Variants in GPSM3 observed in about 807,000 individuals in gnomAD.
GPSM3 encodes G protein signaling modulator 3.
In GPSM3, 16 loss-of-function variants were observed where a neutral mutation model predicts 20.4. The ratio of observed to expected loss-of-function variants is 0.78; its 90% CI spans 0.53 to 1.19. The LOEUF (loss-of-function observed/expected upper bound fraction) is 1.19. Among genes scored for constraint, GPSM3 ranks in the 50% most tolerant of loss-of-function variants. The probability of loss-of-function intolerance (pLI) is 0.00; values close to 1 mark genes in which losing one functional copy is unlikely to be tolerated. For missense variants in GPSM3, 177 were observed against 204.6 expected, an observed-to-expected ratio of 0.86 and a Z score of 0.82; for synonymous variants, 70 against 79.6, an observed-to-expected ratio of 0.88 and a Z score of 0.64.
chr6:32,195,411 G>T (rs780170413), upstream of GPSM3: 2 of 1,529,874 alleles, frequency 1.3e-6, no homozygotes, highest in Non-Finnish European at 8.8e-7. This position sits in a 1 kb window ranked among gnomAD's most constrained non-coding sequence, Gnocchi z 5.4. Flanking sequence ...AATCATTTTT[G>T]GAATTCCTCC....
upstream of GPSM3, chr6:32,192,810 G>A (rs1787634981): frequency 2.7e-6 from 1 of 368,866 alleles, no homozygotes; most frequent in Non-Finnish European, 4.9e-6. This position sits in a 1 kb window ranked among gnomAD's most constrained non-coding sequence, Gnocchi z 5.1. Context: ...GGGGCTCATG[G>A]TGGGGAAGGA....
chr6:32,191,283 C>T lies in GPSM3; in HGVS notation c.*83G>A, dbSNP rs1345495992. 1.4e-6 allele frequency: 2 copies of T among 1,477,274 alleles called. No homozygotes were observed. Among genetic ancestry groups the T allele is most frequent in the Non-Finnish European group, 1.8e-6 (2 of 1,101,868 alleles). The allele number at this position is 1,477,274 out of a possible 1,614,324, so 91.5% of individuals were successfully genotyped here. A position where few individuals can be genotyped will look rare whatever the true frequency, so the allele number is the denominator to read the frequency against. On this transcript the variant is annotated 3_prime_UTR_variant, in exon 4 of 4. Coordinates refer to ENST00000375040, the MANE Select transcript of GPSM3 (RefSeq NM_001276501.2). This position sits in a 1 kb window ranked among gnomAD's most constrained non-coding sequence, Gnocchi z 5.9. ...CCGTGTCTTTCAGTCTCTGGTACCCCTGCCAAGCAAGAGTTGAGGGCATGC... is the reference window on the plus strand; with the variant it reads ...CCGTGTCTTTCAGTCTCTGGTACCCTTGCCAAGCAAGAGTTGAGGGCATGC...
At chr6:32,194,363 G>C (rs1168975360), upstream of GPSM3, 3 of 152,138 alleles carry the variant, frequency 2.0e-5, no homozygotes, top group African/African-American at 7.2e-5. The surrounding 1 kb of genome is among the most constrained non-coding windows in gnomAD (Gnocchi z 4.5). Context: ...ATGGTCGGTG[G>C]CGACGGAGGG....
At chr6:32,193,732 A>C (rs1787689742), upstream of GPSM3, among the ~76,000 whole-genome samples, 1 of 152,200 alleles carries the variant, frequency 6.6e-6, no homozygotes, top group Non-Finnish European at 1.5e-5. The surrounding 1 kb of genome is among the most constrained non-coding windows in gnomAD (Gnocchi z 4.7). Flanking sequence ...ACTGCACTCC[A>C]GGCTGGGCAA....
At chr6:32,194,728 T>G (rs1253671560), upstream of GPSM3, 4 of 213,496 alleles carry the variant, frequency 1.9e-5, no homozygotes, top group Non-Finnish European at 3.8e-5. The surrounding 1 kb of genome is among the most constrained non-coding windows in gnomAD (Gnocchi z 4.5). Flanking sequence ...GCTTTTAAAC[T>G]ATACTTACAT....
At chr6:32,193,591 G>T (rs1422910858), upstream of GPSM3, among the ~76,000 whole-genome samples, 2 of 152,136 alleles carry the variant, frequency 1.3e-5, no homozygotes, top group Non-Finnish European at 2.9e-5. This position sits in a 1 kb window ranked among gnomAD's most constrained non-coding sequence, Gnocchi z 4.7. Flanking sequence ...GAAACTTATA[G>T]TTTAGTGCAG....
chr6:32,192,613 G>T lies in GPSM3; in HGVS notation c.-100C>A. 1.4e-6 allele frequency: 1 copy of T among 700,058 alleles called. No individual in the cohort carries two copies. 43.4% of individuals were successfully genotyped at this position (700,058 alleles called of 1,614,324 possible). A position where few individuals can be genotyped will look rare whatever the true frequency, so the allele number is the denominator to read the frequency against. On this transcript the variant is annotated 5_prime_UTR_variant, in exon 1 of 4. Transcript: ENST00000375040. The surrounding 1 kb of genome is among the most constrained non-coding windows in gnomAD (Gnocchi z 5.1). ...GGGGAGTGGGGGCTGGAAGGGGTGG[G>T]GGTGAGCTGGGGGCTGGATGCCTGG...
upstream of GPSM3, chr6:32,194,693 A>C: frequency 5.2e-6 from 1 of 190,728 alleles, no homozygotes; most frequent in Admixed American, 6.1e-5. This position sits in a 1 kb window ranked among gnomAD's most constrained non-coding sequence, Gnocchi z 4.5. Flanking sequence ...AAATTATCAT[A>C]GGGCCCCTAA....
chr6:32,192,958 C>T (rs183163194), upstream of GPSM3: 5 of 161,794 alleles, frequency 3.1e-5, no homozygotes, highest in African/African-American at 1.2e-4. This position sits in a 1 kb window ranked among gnomAD's most constrained non-coding sequence, Gnocchi z 5.1. Flanking sequence ...CTCAGAATCC[C>T]CCTCCCCCCA....
chr6:32,194,023 A>G (rs375913714), upstream of GPSM3, among the ~76,000 whole-genome samples: 163 of 152,322 alleles, frequency 1.1e-3, 3 homozygotes, highest in Middle Eastern at 0.014. This position sits in a 1 kb window ranked among gnomAD's most constrained non-coding sequence, Gnocchi z 4.5. Context: ...TCTGAGTGAA[A>G]TAGGGTTTTA....
chr6:32,191,498 C>A lies in GPSM3; in HGVS notation c.351G>T (p.Gln117His). ...LYSTILSHQC[Q>H]RMEAQRSEPP... ...GCTCTGACCGCTGGGCTTCCATCCG[C>A]TGGCACTGGAGGAGTGGAGGGAGAG... The change falls in exon 4 of 4, where the codon CAG becomes CAT. Residue 117 changes from glutamine (Q) to histidine (H), a missense_variant. Coordinates refer to ENST00000375040, the MANE Select transcript of GPSM3 (RefSeq NM_001276501.2). This position sits in a 1 kb window ranked among gnomAD's most constrained non-coding sequence, Gnocchi z 5.9. 1.3e-6 allele frequency: 2 copies of A among 1,559,332 alleles called. No homozygotes were observed. The highest frequency in any genetic ancestry group is 1.7e-6 in the Non-Finnish European group (2 of 1,155,010).
chr6:32,193,131 C>A (rs1561903406), upstream of GPSM3: 1 of 152,668 alleles, frequency 6.6e-6, no homozygotes. The surrounding 1 kb of genome is among the most constrained non-coding windows in gnomAD (Gnocchi z 4.7). Flanking sequence ...AACCCTAGCA[C>A]CGGGTCCAAC....
rs1787559520 is a variant in GPSM3 at position 32,192,022 on chromosome 6, T to G, written c.146-114A>C. Reference sequence around the variant, plus strand: ...GGACTTTGGATCAGAGGAGAGGGGGTGCAATGGGGAATCCCAAGGGGAGTC... The same window carrying G: ...GGACTTTGGATCAGAGGAGAGGGGGGGCAATGGGGAATCCCAAGGGGAGTC... On this transcript the variant is annotated intron_variant, in intron 2 of 3. Coordinates refer to ENST00000375040, the MANE Select transcript of GPSM3 (RefSeq NM_001276501.2). This position sits in a 1 kb window ranked among gnomAD's most constrained non-coding sequence, Gnocchi z 5.1. The G allele has an allele frequency of 7.6e-6, 9 of 1,187,734 alleles. No homozygotes were observed. The African/African-American group carries it at 8.0e-5, about 11-fold the overall frequency. The allele number at this position is 1,187,734 out of a possible 1,614,324, so 73.6% of individuals were successfully genotyped here. A position where few individuals can be genotyped will look rare whatever the true frequency, so the allele number is the denominator to read the frequency against.
chr6:32,192,753 G>A (rs1206488146), upstream of GPSM3: 2 of 419,350 alleles, frequency 4.8e-6, no homozygotes, highest in Non-Finnish European at 8.5e-6. The surrounding 1 kb of genome is among the most constrained non-coding windows in gnomAD (Gnocchi z 5.1). Flanking sequence ...TCTCGCCCCA[G>A]GGCAGCACTG....
In GPSM3 at chr6:32,191,945, G is replaced by A. The variant is rs1396433019; in HGVS notation, c.146-37C>T. 1.3e-6 allele frequency: 2 copies of A among 1,590,486 alleles called. No individual in the cohort carries two copies. The highest frequency in any genetic ancestry group is 4.5e-5 in the East Asian group (2 of 44,692). ...GGTGTGGAGGGCTCAGAGACCCAGAGAGGTTGGCAGACAGGAGCCGTGGGG... is the reference window on the plus strand; with the variant it reads ...GGTGTGGAGGGCTCAGAGACCCAGAAAGGTTGGCAGACAGGAGCCGTGGGG... On this transcript the variant is annotated intron_variant, in intron 2 of 3. Coordinates refer to ENST00000375040, the MANE Select transcript of GPSM3 (RefSeq NM_001276501.2). This position sits in a 1 kb window ranked among gnomAD's most constrained non-coding sequence, Gnocchi z 5.9.
At chr6:32,194,028 G>C (rs1304080167), upstream of GPSM3, among the ~76,000 whole-genome samples, 1 of 152,156 alleles carries the variant, frequency 6.6e-6, no homozygotes, top group Non-Finnish European at 1.5e-5. This position sits in a 1 kb window ranked among gnomAD's most constrained non-coding sequence, Gnocchi z 4.5. Flanking sequence ...GTGAAATAGG[G>C]TTTTAATAGC....
chr6:32,193,630 G>A (rs1787683482), upstream of GPSM3, among the ~76,000 whole-genome samples: 1 of 152,108 alleles, frequency 6.6e-6, no homozygotes, highest in South Asian at 2.1e-4. This position sits in a 1 kb window ranked among gnomAD's most constrained non-coding sequence, Gnocchi z 4.7. Context: ...TTTATTTTGG[G>A]CATAAGAGAT....
Position 32,192,454 on chromosome 6 carries a change from A to G in GPSM3, c.42+18T>C, listed in dbSNP as rs772713484. Reference sequence around the variant, plus strand: ...TTCTTTCCCAGTGTCAGCCTCCCCAACCCCGTGCCCAGCTCACCTGCTCAC... The same window carrying G: ...TTCTTTCCCAGTGTCAGCCTCCCCAGCCCCGTGCCCAGCTCACCTGCTCAC... On this transcript the variant is annotated intron_variant, in intron 1 of 3. Coordinates refer to ENST00000375040, the MANE Select transcript of GPSM3 (RefSeq NM_001276501.2). This position sits in a 1 kb window ranked among gnomAD's most constrained non-coding sequence, Gnocchi z 5.1. The G allele has an allele frequency of 1.9e-6, 3 of 1,581,976 alleles. No individual in the cohort carries two copies. The highest frequency in any genetic ancestry group is 1.8e-5 in the Admixed American group (1 of 55,932).
upstream of GPSM3, chr6:32,194,897 G>A: frequency 4.3e-6 from 1 of 233,826 alleles, no homozygotes; most frequent in Non-Finnish European, 8.4e-6. This position sits in a 1 kb window ranked among gnomAD's most constrained non-coding sequence, Gnocchi z 4.5. Context: ...CTTAAATAGC[G>A]ATAGCAGTGG....
Sources: allele counts gnomAD v4.1 joint callset (sites outside exome capture counted in the v4.1 genomes callset), GRCh38; gene constraint gnomAD v4.1.1; non-coding constraint Gnocchi (gnomAD v3.1); transcripts MANE v1.5; gene names NCBI Gene and HGNC (gene_info 2026-07-23, HGNC 2026-07-21).